RNF40: variants seen among roughly 807,000 people sequenced by gnomAD.
The protein encoded by RNF40 is ring finger protein 40, also known as E3 ubiquitin-protein ligase BRE1B.
Under a neutral mutation model 123.3 loss-of-function variants are expected in RNF40, and 39 were observed. The ratio of observed to expected loss-of-function variants is 0.32; its 90% CI spans 0.24 to 0.41. RNF40 has a LOEUF of 0.41. RNF40 is among the 10% of genes least tolerant of loss of function. The pLI is 1.00. For missense variants in RNF40, 1,003 were observed against 1,319.9 expected (o/e 0.76, Z 3.72); for synonymous variants, 538 against 526.0 (o/e 1.02, Z -0.31).
rs1384581877 is a variant in RNF40, at chr16:30,766,608, G to A, written c.1293+50G>A. ...GGCTGGGCTAAGGGCCAAACCGTTAGTGTTGACGTGTTTGTGCCTTCCGAG... is the reference window on the plus strand; with the variant it reads ...GGCTGGGCTAAGGGCCAAACCGTTAATGTTGACGTGTTTGTGCCTTCCGAG... On this transcript the variant is annotated intron_variant, in intron 10 of 19. Transcript: ENST00000324685. This position sits in a 1 kb window ranked among gnomAD's most constrained non-coding sequence, Gnocchi z 5.4. 9 of 1,583,592 alleles carry A rather than the reference G, an allele frequency of 5.7e-6. No individual in the cohort carries two copies. The highest frequency in any genetic ancestry group is 7.7e-6 in the Non-Finnish European group (9 of 1,162,842).
chr16:30,772,071 AG>A lies in RNF40; in HGVS notation c.2728-16del. 1.9e-6 allele frequency: 3 copies of A among 1,569,666 alleles called. No individual in the cohort carries two copies. The highest frequency in any genetic ancestry group is 2.6e-6 in the Non-Finnish European group (3 of 1,157,158). ...AGGTTGAGGACCCTTGCCCTTAGCCAGGCCTCTCCTGCCCCAGGAGGACATC... is the reference window on the plus strand; with the variant it reads ...AGGTTGAGGACCCTTGCCCTTAGCCAGCCTCTCCTGCCCCAGGAGGACATC... On this transcript the variant is annotated splice_polypyrimidine_tract_variant and intron_variant, in intron 18 of 19. Transcript: ENST00000324685.
chr16:30,763,336 C>G lies in RNF40; in HGVS notation c.300+51C>G, dbSNP rs148222696. ...CAGGCCTTGATTCAGCTGCCAATCC[C>G]CAGATTCCCCTGCTAGGAAAGGAGT... On this transcript the variant is annotated intron_variant, in intron 3 of 19. Transcript: ENST00000324685. 1.9e-5 allele frequency: 30 copies of G among 1,609,702 alleles called. No homozygotes were observed. In the Admixed American group the frequency reaches 2.0e-4, roughly 11 times the overall value.
At position 30,765,006 on chromosome 16, in the gene RNF40, C is replaced by A; in HGVS notation, c.718C>A (p.Leu240Met). The A allele has an allele frequency of 6.2e-7, 1 of 1,613,960 alleles. No individual in the cohort carries two copies. The highest frequency in any genetic ancestry group is 1.1e-5 in the South Asian group (1 of 91,078). ...TRELGRENRRLQDLATQLQEK... is the reference protein window; with the variant it reads ...TRELGRENRRMQDLATQLQEK... Reference sequence around the variant, plus strand: ...AGAGCTGGGCCGTGAGAACCGGCGACTGCAGGACTTGGCCACTCAGCTGCA... The same window carrying A: ...AGAGCTGGGCCGTGAGAACCGGCGAATGCAGGACTTGGCCACTCAGCTGCA... The change falls in exon 6 of 20, where the codon CTG (leucine) becomes ATG (methionine). Residue 240 changes from leucine (L) to methionine (M), a missense_variant. Physicochemically the swap from Leu to Met is conservative, Grantham distance 15. This residue lies in a region of RNF40 where 274 missense variants were observed against 356.9 expected (regional missense o/e 0.77). Transcript: ENST00000324685.
chr16:30,765,689 T>G lies in RNF40; in HGVS notation c.993+190T>G, dbSNP rs539100524. Among the ~76,000 whole-genome samples, 9 of 152,340 alleles carry G rather than the reference T, an allele frequency of 5.9e-5. No homozygotes were observed. The East Asian group carries it at 1.7e-3, about 29-fold the overall frequency. ...CACTTAGTGCTAGGCACTAGGCATA[T>G]TGGCGAGAACAAAATAGAGGTCAAA... On this transcript the variant is annotated intron_variant, in intron 8 of 19. Transcript: ENST00000324685.
chr16:30,769,741 A>C, intron 17 of RNF40, 141 bp downstream of exon 17: 1 of 917,128 alleles, frequency 1.1e-6, no homozygotes, highest in Non-Finnish European at 1.6e-6. Flanking sequence ...GAACATTTAC[A>C]TGTGCCAGAC....
chr16:30,766,099 A>T lies in RNF40; in HGVS notation c.994-64A>T. ...GCTTGGGGTGGAGTGTATGCTGGGG[A>T]TGTAAGGGAGGCCTGCTGCCACGTC... On this transcript the variant is annotated intron_variant, in intron 8 of 19. Transcript: ENST00000324685. This position sits in a 1 kb window ranked among gnomAD's most constrained non-coding sequence, Gnocchi z 5.4. 2 of 1,609,196 alleles carry T rather than the reference A, an allele frequency of 1.2e-6. No individual in the cohort carries two copies. The highest frequency in any genetic ancestry group is 2.2e-5 in the South Asian group (2 of 90,192).
In RNF40 at chr16:30,766,274, C is replaced by T. The variant is rs748132679; in HGVS notation, c.1105C>T (p.Arg369Cys). The T allele has an allele frequency of 1.8e-5, 29 of 1,613,930 alleles. No individual in the cohort carries two copies. Among genetic ancestry groups the T allele is most frequent in the Admixed American group, 1.0e-4 (6 of 60,000 alleles). ...ELQGAVRTNE[R>C]LKVALRSLPE... is the part of the protein sequence containing the mutation. The stretch of plus-strand genomic sequence containing the variant: ...TCAGGGGGCTGTGCGGACCAATGAG[C>T]GCCTCAAGGTGGGCTGCTGTAGGGG... The change falls in exon 9 of 20, where the codon CGC (arginine) becomes TGC (cysteine). Residue 369 changes from arginine (R) to cysteine (C), a missense_variant. Transcript: ENST00000324685. This position sits in a 1 kb window ranked among gnomAD's most constrained non-coding sequence, Gnocchi z 5.4.
At chr16:30,761,906 T>G, upstream of RNF40, 1 of 699,102 alleles carries the variant, frequency 1.4e-6, no homozygotes, top group Admixed American at 3.1e-5. Context: ...CGTGGGGGCG[T>G]CTCCCTCCGT....
intron 16 of RNF40, 26 bp downstream of exon 16, chr16:30,769,424 T>C (rs1389945102): frequency 6.2e-7 from 1 of 1,614,100 alleles, no homozygotes; most frequent in East Asian, 2.2e-5. Context: ...GCTTGCAGAC[T>C]GGAGCTGGAG....
intron 3 of RNF40, 53 bp from the exon 4 acceptor site, chr16:30,763,365 A>G (rs1435015697): frequency 9.3e-6 from 15 of 1,605,308 alleles, no homozygotes; most frequent in Non-Finnish European, 1.3e-5. Flanking sequence ...AAGGAGTATC[A>G]TGTTGGAAAG....
chr16:30,766,822 T>C lies in RNF40; in HGVS notation c.1375T>C (p.Tyr459His). 6.2e-7 allele frequency: 1 copy of C among 1,613,374 alleles called. No homozygotes were observed. The part of the protein sequence containing the change: ...EDTLAQVRKE[Y>H]EMLRIEFEQN... ...CACGCTGGCCCAGGTACGCAAGGAG[T>C]ATGAGATGCTGCGCATCGAGTTTGA... Residue 459 changes from tyrosine (Y) to histidine (H), a missense_variant, in exon 11 of 20, where the codon TAT becomes CAT. Transcript: ENST00000324685. The surrounding 1 kb of genome is among the most constrained non-coding windows in gnomAD (Gnocchi z 5.4).
Position 30,775,961 on chromosome 16 carries a change from C to T in RNF40, c.*1847C>T, listed in dbSNP as rs528135724. 1 of 152,432 alleles carries T rather than the reference C, an allele frequency of 6.6e-6. No homozygotes were observed. Among genetic ancestry groups the T allele is most frequent in the African/African-American group, 2.4e-5 (1 of 41,548 alleles). 9.4% of individuals were successfully genotyped at this position (152,432 alleles called of 1,614,324 possible). A position where few individuals can be genotyped will look rare whatever the true frequency, so the allele number is the denominator to read the frequency against. On this transcript the variant is annotated 3_prime_UTR_variant, in exon 20 of 20. Transcript: ENST00000324685. ...CGGGCACGCTGGTGGAAGCGCGGGC[C>T]GCGGCAGGGGAGGACATCGGGCCGC...
At position 30,766,626 on chromosome 16, in the gene RNF40, C is replaced by T. The variant is rs1421275563; in HGVS notation, c.1293+68C>T. 1 of 1,580,482 alleles carries T rather than the reference C, an allele frequency of 6.3e-7. No homozygotes were observed. The highest frequency in any genetic ancestry group is 1.3e-5 in the African/African-American group (1 of 74,278). Reference sequence around the variant, plus strand: ...ACCGTTAGTGTTGACGTGTTTGTGCCTTCCGAGGCCCTGTGTGCCAGCCAG... The same window carrying T: ...ACCGTTAGTGTTGACGTGTTTGTGCTTTCCGAGGCCCTGTGTGCCAGCCAG... On this transcript the variant is annotated intron_variant, in intron 10 of 19. Transcript: ENST00000324685. The surrounding 1 kb of genome is among the most constrained non-coding windows in gnomAD (Gnocchi z 5.4).
chr16:30,764,510 C>G, intron 5 of RNF40, 125 bp downstream of exon 5: 4 of 831,510 alleles, frequency 4.8e-6, no homozygotes, highest in Non-Finnish European at 5.6e-6. Flanking sequence ...ATAAATCAGC[C>G]ATGTTCTTGG....
upstream of RNF40, chr16:30,761,654 C>T (rs994055176): frequency 6.5e-6 from 10 of 1,535,816 alleles, no homozygotes; most frequent in African/African-American, 4.1e-5. Flanking sequence ...CACTGAGCTG[C>T]GATCCTTCCC....
intron 2 of RNF40, 91 bp from the exon 3 acceptor site, chr16:30,763,027 A>T (rs1235471349): frequency 7.1e-7 from 1 of 1,417,298 alleles, no homozygotes. Flanking sequence ...TCTCCCATGC[A>T]TTGCAGATGC....
In RNF40 at chr16:30,766,112, C is replaced by T. The variant is rs1567283808; in HGVS notation, c.994-51C>T. 6 of 1,611,892 alleles carry T rather than the reference C, an allele frequency of 3.7e-6. No individual in the cohort carries two copies. Among genetic ancestry groups the T allele is most frequent in the Non-Finnish European group, 4.2e-6 (5 of 1,179,238 alleles). ...TGTATGCTGGGGATGTAAGGGAGGC[C>T]TGCTGCCACGTCTGGCCCTGCCTCC... On this transcript the variant is annotated intron_variant, in intron 8 of 19. Coordinates refer to ENST00000324685, the MANE Select transcript of RNF40 (RefSeq NM_014771.4). The surrounding 1 kb of genome is among the most constrained non-coding windows in gnomAD (Gnocchi z 5.4).
chr16:30,775,322 G>A lies in RNF40; in HGVS notation c.*1208G>A, dbSNP rs2054214354. 3.4e-6 allele frequency: 1 copy of A among 297,682 alleles called. No individual in the cohort carries two copies. The highest frequency in any genetic ancestry group is 6.6e-6 in the Non-Finnish European group (1 of 152,184). 18.4% of individuals were successfully genotyped at this position (297,682 alleles called of 1,614,324 possible). A position where few individuals can be genotyped will look rare whatever the true frequency, so the allele number is the denominator to read the frequency against. ...ACGGCCGGCAGGGATCCCGGACTGG[G>A]CCTGAAGGGGAGAGCGTGGTGGTCG... On this transcript the variant is annotated 3_prime_UTR_variant, in exon 20 of 20. Transcript: ENST00000324685.
In RNF40 at chr16:30,766,994, C is replaced by T; in HGVS notation, c.1429+118C>T. ...GGCCTTTTTTTTCACAGAGCCTCGG[C>T]TTCCTATGCAAAACAGGGCCTGCAC... On this transcript the variant is annotated intron_variant, in intron 11 of 19. Coordinates refer to ENST00000324685, the MANE Select transcript of RNF40 (RefSeq NM_014771.4). The surrounding 1 kb of genome is among the most constrained non-coding windows in gnomAD (Gnocchi z 5.4). 1.5e-6 allele frequency: 2 copies of T among 1,317,252 alleles called. No homozygotes were observed. Among genetic ancestry groups the T allele is most frequent in the African/African-American group, 1.5e-5 (1 of 67,814 alleles). The allele number at this position is 1,317,252 out of a possible 1,614,324, so 81.6% of individuals were successfully genotyped here. A position where few individuals can be genotyped will look rare whatever the true frequency, so the allele number is the denominator to read the frequency against.
Sources: allele counts gnomAD v4.1 joint callset (sites outside exome capture counted in the v4.1 genomes callset), GRCh38; gene constraint gnomAD v4.1.1; regional missense constraint gnomAD v4.1.1; non-coding constraint Gnocchi (gnomAD v3.1); transcripts MANE v1.5; gene names NCBI Gene and HGNC (gene_info 2026-07-23, HGNC 2026-07-21).